IQCJ: variants seen among roughly 807,000 people sequenced by gnomAD.
IQCJ encodes the protein IQ motif containing J.
IQCJ carries 9 observed loss-of-function variants against 11.0 expected under a neutral mutation model. That is an observed-to-expected ratio of 0.82 (90% CI 0.49 to 1.43). The LOEUF is 1.43. IQCJ is among the 40% of genes most tolerant of loss of function. The pLI is 0.00. For missense variants in IQCJ, 146 were observed against 133.2 expected (o/e 1.10, Z -0.47); for synonymous variants, 55 against 51.3 (o/e 1.07, Z -0.31).
intron 1 of IQCJ, among the ~76,000 whole-genome samples, chr3:159,142,438 A>G (rs1487291306): frequency 6.7e-6 from 1 of 149,478 alleles, no homozygotes; most frequent in Admixed American, 6.7e-5. Flanking sequence ...CCCCCACCAG[A>G]TGGAGTCTCA....
chr3:159,073,341 C>G (rs920130698), intron 1 of IQCJ, among the ~76,000 whole-genome samples: 4 of 152,064 alleles, frequency 2.6e-5, no homozygotes, highest in African/African-American at 9.7e-5. Flanking sequence ...CAGTGTACCT[C>G]CCTGGCTGCC....
chr3:159,111,483 A>G (rs940505310), intron 1 of IQCJ, among the ~76,000 whole-genome samples: 1 of 152,112 alleles, frequency 6.6e-6, no homozygotes, highest in African/African-American at 2.4e-5. Flanking sequence ...GTGTTCTGGG[A>G]GAATCTTGAA....
At chr3:159,124,587 T>A (rs1263649671) in intron 1 of IQCJ, among the ~76,000 whole-genome samples, 1 of 152,176 alleles carries the variant, frequency 6.6e-6, no homozygotes, top group Non-Finnish European at 1.5e-5. Flanking sequence ...TAGCACCCTA[T>A]GACTTTACTG....
chr3:159,262,912 G>T lies in IQCJ; in HGVS notation c.*181G>T. On this transcript the variant is annotated 3_prime_UTR_variant, in exon 4 of 4. Transcript: ENST00000397832. Reference sequence around the variant, plus strand: ...TTATCAAGTCTGGAGAAAATAGATTGCATTTATGTGTTCTCATTTCTCTAT... The same window carrying T: ...TTATCAAGTCTGGAGAAAATAGATTTCATTTATGTGTTCTCATTTCTCTAT... 7.3e-7 allele frequency: 1 copy of T among 1,365,160 alleles called. No homozygotes were observed. Among genetic ancestry groups the T allele is most frequent in the Non-Finnish European group, 9.4e-7 (1 of 1,058,966 alleles). The allele number at this position is 1,365,160 out of a possible 1,614,324, so 84.6% of individuals were successfully genotyped here.
intron 3 of IQCJ, among the ~76,000 whole-genome samples, chr3:159,257,822 A>C (rs572663726): frequency 3.3e-5 from 5 of 152,320 alleles, no homozygotes; most frequent in African/African-American, 1.2e-4. Context: ...AGCCAAACCC[A>C]CTGTCTCCAT....
intron 1 of IQCJ, among the ~76,000 whole-genome samples, chr3:159,137,652 T>A (rs546426866): frequency 3.3e-4 from 51 of 152,324 alleles, no homozygotes; most frequent in Middle Eastern, 3.4e-3. Context: ...CTTATTTAAG[T>A]ATCATGACCA....
At chr3:159,204,828 G>A (rs1724551886) in intron 1 of IQCJ, among the ~76,000 whole-genome samples, 1 of 152,198 alleles carries the variant, frequency 6.6e-6, no homozygotes, top group Admixed American at 6.5e-5. Context: ...AAACAGGGAA[G>A]TTTCTGAATG....
rs1186928889 is a variant in IQCJ, at chr3:159,247,689, A to G, written c.74+1782A>G. 2.0e-5 allele frequency among the ~76,000 whole-genome samples: 3 copies of G among 152,152 alleles called. No individual in the cohort carries two copies. The East Asian group carries it at 5.8e-4, about 29-fold the overall frequency. On this transcript the variant is annotated intron_variant, in intron 2 of 3. Transcript: ENST00000397832. The stretch of plus-strand genomic sequence containing the variant: ...GGTCAGAGAATTTGTTTATGACCAG[A>G]TTTTACACAGAAAAGCAGGGGAAGG...
rs112414742 is a variant in IQCJ, at chr3:159,197,026, C to A, written c.10-48817C>A. Among the ~76,000 whole-genome samples the A allele has an allele frequency of 8.0e-3, 1,208 of 151,220 alleles. 16 individuals carry two copies. The highest frequency in any genetic ancestry group is 0.028 in the African/African-American group (1,142 of 41,220). ...GATCATTTTCTGTACTCTTTGTCTT[C>A]ATTAAAGGCACCTGGTTGGTCTTTC... On this transcript the variant is annotated intron_variant, in intron 1 of 3. Coordinates refer to ENST00000397832, the MANE Select transcript of IQCJ (RefSeq NM_001042706.3).
At chr3:159,147,977 A>C (rs1465192415) in intron 1 of IQCJ, among the ~76,000 whole-genome samples, 1 of 152,242 alleles carries the variant, frequency 6.6e-6, no homozygotes, top group Non-Finnish European at 1.5e-5. Flanking sequence ...AACAGCGCCT[A>C]GGCATATGTG....
chr3:159,155,232 A>G (rs1035615901), intron 1 of IQCJ, among the ~76,000 whole-genome samples: 2 of 152,180 alleles, frequency 1.3e-5, no homozygotes, highest in Non-Finnish European at 2.9e-5. Flanking sequence ...ATCTCAGCTC[A>G]TTGCAACCTC....
At chr3:159,239,114 A>G (rs565460045) in intron 1 of IQCJ, among the ~76,000 whole-genome samples, 3 of 152,304 alleles carry the variant, frequency 2.0e-5, no homozygotes, top group South Asian at 4.1e-4. Context: ...ATGAGTGAAG[A>G]TCTGTGGAGT....
chr3:159,132,178 G>A (rs1233796020), intron 1 of IQCJ, among the ~76,000 whole-genome samples: 1 of 152,186 alleles, frequency 6.6e-6, no homozygotes, highest in Non-Finnish European at 1.5e-5. Flanking sequence ...AGGTCTTGGA[G>A]TTTCTTGTTT....
At chr3:159,203,342 A>G (rs1203084139) in intron 1 of IQCJ, among the ~76,000 whole-genome samples, 2 of 150,830 alleles carry the variant, frequency 1.3e-5, no homozygotes, top group Non-Finnish European at 2.9e-5. Context: ...CAGCTCAGTG[A>G]GCTGAAGAGT....
chr3:159,161,273 T>C (rs1346016370), intron 1 of IQCJ, among the ~76,000 whole-genome samples: 1 of 152,248 alleles, frequency 6.6e-6, no homozygotes, highest in Non-Finnish European at 1.5e-5. Context: ...ATTTCTCTGA[T>C]GGCCAGTGAT....
At chr3:159,187,980 T>TG (rs1723469860) in intron 1 of IQCJ, among the ~76,000 whole-genome samples, 1 of 152,216 alleles carries the variant, frequency 6.6e-6, no homozygotes, top group Non-Finnish European at 1.5e-5. Context: ...GCGCTGGGCA[T>TG]GGGTCAGTCC....
intron 1 of IQCJ, among the ~76,000 whole-genome samples, chr3:159,188,850 A>C (rs1723521248): frequency 6.6e-6 from 1 of 152,114 alleles, no homozygotes; most frequent in South Asian, 2.1e-4. Flanking sequence ...TGAATAATAA[A>C]AGCTGACTTT....
chr3:159,101,384 G>A (rs1456703056), intron 1 of IQCJ, among the ~76,000 whole-genome samples: 1 of 152,118 alleles, frequency 6.6e-6, no homozygotes, highest in Non-Finnish European at 1.5e-5. Flanking sequence ...GGCCATCTTG[G>A]CTCCTCCCCC....
intron 1 of IQCJ, among the ~76,000 whole-genome samples, chr3:159,226,125 G>T (rs1344749687): frequency 6.6e-6 from 1 of 152,140 alleles, no homozygotes; most frequent in Non-Finnish European, 1.5e-5. Context: ...CCATTTTTTA[G>T]GGGCTTTATG....
Sources: gnomAD v4.1 joint callset for allele counts (sites outside exome capture counted in the v4.1 genomes callset) on GRCh38, gnomAD v4.1.1 for gene constraint, MANE v1.5 for transcripts, NCBI Gene and HGNC (gene_info 2026-07-23, HGNC 2026-07-21) for gene names.